IL34: variants seen among roughly 807,000 people sequenced by gnomAD.
IL34 encodes interleukin-34.
In IL34, 17 loss-of-function variants were observed where a neutral mutation model predicts 25.3. The ratio of observed to expected loss-of-function variants is 0.67; its 90% CI spans 0.46 to 1.01. The LOEUF (loss-of-function observed/expected upper bound fraction) is 1.01. Among genes scored for constraint, IL34 ranks in the 50% least tolerant of loss-of-function variants. IL34 has a pLI of 0.00. For missense variants in IL34, 368 were observed against 312.9 expected, an observed-to-expected ratio of 1.18 and a Z score of -1.33; for synonymous variants, 174 against 140.9, an observed-to-expected ratio of 1.23 and a Z score of -1.66.
At chr16:70,632,344 G>A (rs1341199042) in intron 1 of IL34, among the ~76,000 whole-genome samples, 1 of 152,128 alleles carries the variant, frequency 6.6e-6, no homozygotes, top group Admixed American at 6.6e-5. Context: ...GACAAATGAC[G>A]GGCCTGTTCT....
chr16:70,590,882 C>T (rs933716848), intron 1 of IL34, among the ~76,000 whole-genome samples: 7 of 152,158 alleles, frequency 4.6e-5, no homozygotes, highest in African/African-American at 1.7e-4. Context: ...TCAGGGGTGC[C>T]CTGCCACCCC....
chr16:70,603,618 G>C (rs1300016963), intron 1 of IL34, among the ~76,000 whole-genome samples: 1 of 152,098 alleles, frequency 6.6e-6, no homozygotes, highest in Non-Finnish European at 1.5e-5. Context: ...TGTCACCCAG[G>C]CTGGAATACA....
chr16:70,595,992 C>T (rs2050817062), intron 1 of IL34, among the ~76,000 whole-genome samples: 1 of 147,440 alleles, frequency 6.8e-6, no homozygotes, highest in Non-Finnish European at 1.5e-5. Context: ...GCATGGGCGA[C>T]ACAGCGAGAC....
chr16:70,631,513 C>A (rs1257533749), intron 1 of IL34, among the ~76,000 whole-genome samples: 1 of 152,080 alleles, frequency 6.6e-6, no homozygotes, highest in Non-Finnish European at 1.5e-5. Flanking sequence ...ACCAAAGAAT[C>A]TTTATCCTGT....
Position 70,654,629 on chromosome 16 carries a change from T to C in IL34, c.120T>C (p.Phe40=), listed in dbSNP as rs2052166787. 2 of 1,613,252 alleles carry C rather than the reference T, an allele frequency of 1.2e-6. No homozygotes were observed. Among genetic ancestry groups the C allele is most frequent in the African/African-American group, 2.7e-5 (2 of 75,038 alleles). ...ATGAGGAGTGCACTGTCACGGGTTTTCTGCGGGACAAGCTGCAGTACAGGA... is the reference window on the plus strand; with the variant it reads ...ATGAGGAGTGCACTGTCACGGGTTTCCTGCGGGACAAGCTGCAGTACAGGA... ...TQNEECTVTG[F]LRDKLQYRSR... Residue 40 remains phenylalanine (F), a synonymous_variant, in exon 2 of 6, where the codon TTT becomes TTC. Coordinates refer to ENST00000288098, the MANE Select transcript of IL34 (RefSeq NM_001393494.1).
intron 1 of IL34, among the ~76,000 whole-genome samples, chr16:70,628,227 G>T (rs2051438636): frequency 1.3e-5 from 2 of 152,050 alleles, no homozygotes; most frequent in African/African-American, 4.8e-5. Flanking sequence ...AATGCATTGG[G>T]ATTGCTTTAA....
intron 1 of IL34, among the ~76,000 whole-genome samples, chr16:70,605,723 T>G (rs912780218): frequency 6.6e-6 from 1 of 152,128 alleles, no homozygotes; most frequent in African/African-American, 2.4e-5. Flanking sequence ...CAGACCGGAG[T>G]GCAGCAGCGC....
intron 1 of IL34, among the ~76,000 whole-genome samples, chr16:70,640,598 A>T (rs12928124): frequency 0.45 from 67,092 of 149,824 alleles, 15,252 homozygotes; most frequent in South Asian, 0.62. Context: ...CACTCCAGCC[A>T]GGGCGACAGA....
intron 2 of IL34, among the ~76,000 whole-genome samples, chr16:70,655,964 C>G (rs1318616810): frequency 1.3e-5 from 2 of 152,192 alleles, no homozygotes; most frequent in Non-Finnish European, 2.9e-5. Context: ...GTGCACAACT[C>G]AAAGAGTTTT....
chr16:70,615,469 T>C (rs533064323), intron 1 of IL34, among the ~76,000 whole-genome samples: 24 of 152,036 alleles, frequency 1.6e-4, no homozygotes, highest in African/African-American at 5.3e-4. Flanking sequence ...ATTGCGCCAC[T>C]GCACTCCAGC....
intron 1 of IL34, among the ~76,000 whole-genome samples, chr16:70,651,996 G>A (rs184499610): frequency 1.3e-5 from 2 of 151,892 alleles, no homozygotes; most frequent in East Asian, 1.9e-4. Context: ...ATGTGGTGGC[G>A]CACACCTTGT....
intron 1 of IL34, among the ~76,000 whole-genome samples, chr16:70,600,403 A>T (rs917555801): frequency 2.6e-5 from 4 of 152,174 alleles, no homozygotes; most frequent in African/African-American, 9.7e-5. Flanking sequence ...AAAGGCAGAG[A>T]ACTGAATCCC....
At chr16:70,617,995 G>A (rs2051200547) in intron 1 of IL34, among the ~76,000 whole-genome samples, 1 of 152,162 alleles carries the variant, frequency 6.6e-6, no homozygotes, top group African/African-American at 2.4e-5. Context: ...AAGCTAATTT[G>A]CCAGTCCTGG....
intron 1 of IL34, among the ~76,000 whole-genome samples, chr16:70,603,785 T>C (rs538291750): frequency 2.0e-5 from 3 of 152,238 alleles, no homozygotes; most frequent in African/African-American, 7.2e-5. Flanking sequence ...TCTCATCATG[T>C]TGCCCAGGCT....
chr16:70,581,880 C>G (rs2050639036), intron 1 of IL34, among the ~76,000 whole-genome samples: 1 of 152,052 alleles, frequency 6.6e-6, no homozygotes, highest in South Asian at 2.1e-4. Context: ...CCTGGGATTT[C>G]GAGACCAGCC....
intron 1 of IL34, among the ~76,000 whole-genome samples, chr16:70,600,708 T>A (rs2050901717): frequency 6.6e-6 from 1 of 152,244 alleles, no homozygotes; most frequent in Admixed American, 6.5e-5. Flanking sequence ...AAATGAGGTG[T>A]AACTGGTTGA....
chr16:70,658,433 A>G (rs1454403298), intron 4 of IL34, among the ~76,000 whole-genome samples: 1 of 151,658 alleles, frequency 6.6e-6, no homozygotes, highest in Admixed American at 6.6e-5. Context: ...CAGCCTCCCA[A>G]AGTCCTGGGA....
intron 1 of IL34, among the ~76,000 whole-genome samples, chr16:70,623,068 C>T (rs985272383): frequency 2.0e-5 from 3 of 151,848 alleles, no homozygotes; most frequent in African/African-American, 4.8e-5. Flanking sequence ...AGGGGGAGCA[C>T]CTGTGTTTTT....
At position 70,656,699 on chromosome 16, in the gene IL34, C is replaced by A; in HGVS notation, c.240+20C>A. Reference sequence around the variant, plus strand: ...AGGCTGGTGAGAATCCCTTCCTGGGCTGGGGGGACCCTGCCTCCTGCGACA... The same window carrying A: ...AGGCTGGTGAGAATCCCTTCCTGGGATGGGGGGACCCTGCCTCCTGCGACA... On this transcript the variant is annotated intron_variant, in intron 3 of 5. Coordinates refer to ENST00000288098, the MANE Select transcript of IL34 (RefSeq NM_001393494.1). 1 of 1,177,764 alleles carries A rather than the reference C, an allele frequency of 8.5e-7. No individual in the cohort carries two copies. The highest frequency in any genetic ancestry group is 1.3e-6 in the Non-Finnish European group (1 of 781,134). The allele number at this position is 1,177,764 out of a possible 1,614,324, so 73.0% of individuals were successfully genotyped here.
Sources: allele counts gnomAD v4.1 joint callset (sites outside exome capture counted in the v4.1 genomes callset), GRCh38; gene constraint gnomAD v4.1.1; transcripts MANE v1.5; gene names NCBI Gene and HGNC (gene_info 2026-07-23, HGNC 2026-07-21).